Variants in DAGLA observed in about 807,000 individuals in gnomAD.
DAGLA encodes diacylglycerol lipase alpha.
Under a neutral mutation model 102.6 loss-of-function variants are expected in DAGLA, and 22 were observed. The ratio of observed to expected loss-of-function variants is 0.21; its 90% CI spans 0.15 to 0.31. The LOEUF is 0.31. DAGLA is among the 10% of genes least tolerant of loss of function. The probability of loss-of-function intolerance (pLI) is 1.00; values close to 1 mark genes in which losing one functional copy is unlikely to be tolerated. For missense variants in DAGLA, 927 were observed against 1,446.6 expected, an observed-to-expected ratio of 0.64 and a Z score of 5.83; for synonymous variants, 578 against 628.9, an observed-to-expected ratio of 0.92 and a Z score of 1.21.
chr11:61,743,791 G>A lies in DAGLA; in HGVS notation c.2431G>A (p.Ala811Thr), dbSNP rs750327327. The A allele has an allele frequency of 1.1e-5, 18 of 1,612,540 alleles. No homozygotes were observed. Among genetic ancestry groups the A allele is most frequent in the South Asian group, 9.9e-5 (9 of 91,084 alleles). ...RSIRGSPSLH[A>T]VLERDEGHLF... ...CATCCGGGGCTCCCCCAGCCTCCAC[G>A]CTGTGCTGGAGCGTGATGAAGGCCA... The change falls in exon 20 of 20, where the codon GCT becomes ACT. Residue 811 changes from alanine (A) to threonine (T), a missense_variant. By Grantham distance (58) the Ala-to-Thr change is moderately conservative. This residue lies in a region of DAGLA where 434 missense variants were observed against 503.3 expected (regional missense o/e 0.86). Transcript: ENST00000257215.
intron 1 of DAGLA, among the ~76,000 whole-genome samples, chr11:61,716,199 C>T (rs117317603): frequency 0.012 from 1,850 of 152,042 alleles, 15 homozygotes; most frequent in Non-Finnish European, 0.019. Flanking sequence ...ACCCTGGCCC[C>T]GGGGACTGTT....
chr11:61,744,051 G>A lies in DAGLA; in HGVS notation c.2691G>A (p.Leu897=), dbSNP rs1384408716. The A allele has an allele frequency of 1.2e-6, 2 of 1,612,716 alleles. No individual in the cohort carries two copies. Among genetic ancestry groups the A allele is most frequent in the South Asian group, 1.1e-5 (1 of 91,092 alleles). ...GGPASRGELA[L]HNGRLGDSPS... ...CGGCCTCCCGCGGGGAGCTGGCGCTGCACAATGGGCGCCTGGGGGACTCGC... is the reference window on the plus strand; with the variant it reads ...CGGCCTCCCGCGGGGAGCTGGCGCTACACAATGGGCGCCTGGGGGACTCGC... The change falls in exon 20 of 20, where the codon CTG becomes CTA. Residue 897 remains leucine (L), a synonymous_variant. Coordinates refer to ENST00000257215, the MANE Select transcript of DAGLA (RefSeq NM_006133.3).
chr11:61,724,059 G>A lies in DAGLA; in HGVS notation c.548+487G>A, dbSNP rs541381253. ...AATGGTAAGGCTGGGAACTAGCCCAGGCAGTCTGGCCTTAGAGTCCTCGCT... is the reference window on the plus strand; with the variant it reads ...AATGGTAAGGCTGGGAACTAGCCCAAGCAGTCTGGCCTTAGAGTCCTCGCT... On this transcript the variant is annotated intron_variant, in intron 5 of 19. Transcript: ENST00000257215. 5.3e-5 allele frequency among the ~76,000 whole-genome samples: 8 copies of A among 152,338 alleles called. No homozygotes were observed. The South Asian group carries it at 1.5e-3, about 28-fold the overall frequency.
At chr11:61,690,526 G>A (rs2065015359) in intron 1 of DAGLA, among the ~76,000 whole-genome samples, 1 of 152,016 alleles carries the variant, frequency 6.6e-6, no homozygotes, top group South Asian at 2.1e-4. Context: ...GAACAGTGAT[G>A]GCTTCCATTT....
chr11:61,682,480 C>T (rs983230427), intron 1 of DAGLA, among the ~76,000 whole-genome samples: 2 of 152,166 alleles, frequency 1.3e-5, no homozygotes, highest in Non-Finnish European at 2.9e-5. Context: ...GAGCTGGAAC[C>T]AGGCCCCCGG....
Position 61,737,278 on chromosome 11 carries a change from C to G in DAGLA, c.1468C>G (p.Pro490Ala). The G allele has an allele frequency of 6.2e-7, 1 of 1,612,946 alleles. No individual in the cohort carries two copies. The highest frequency in any genetic ancestry group is 8.5e-7 in the Non-Finnish European group (1 of 1,180,024). ...ILSFLLRPQY[P>A]TLKCFAYSPP... ...CTCCTTCCTTCTGCGCCCACAGTAT[C>G]CGACCCTCAAGTGCTTTGCCTACTC... The change falls in exon 14 of 20, where the codon CCG becomes GCG. Residue 490 changes from proline (P) to alanine (A), a missense_variant. Physicochemically the swap from Pro to Ala is conservative, Grantham distance 27 (BLOSUM62 -1). Around this residue, in one of 4 missense-constraint regions of DAGLA, gnomAD observed 218 missense variants for 459.6 expected, o/e 0.47. Transcript: ENST00000257215.
At chr11:61,729,060 G>A (rs1291755618) in intron 8 of DAGLA, 52 bp downstream of exon 8, 1 of 1,524,510 alleles carries the variant, frequency 6.6e-7, no homozygotes, top group South Asian at 1.1e-5. Context: ...CTCCCACTCT[G>A]CCACAATGAC....
intron 3 of DAGLA, 24 bp downstream of exon 3, chr11:61,720,914 G>A: frequency 6.3e-7 from 1 of 1,599,174 alleles, no homozygotes; most frequent in Non-Finnish European, 8.5e-7. Context: ...ACCCTGGGGT[G>A]CTGCCCCAGA....
chr11:61,720,539 T>A, intron 2 of DAGLA, 140 bp from the exon 3 acceptor site: 1 of 794,600 alleles, frequency 1.3e-6, no homozygotes, highest in East Asian at 2.7e-5. Context: ...CGATGCCAGG[T>A]GGACAATGGT....
intron 1 of DAGLA, among the ~76,000 whole-genome samples, chr11:61,689,055 T>C (rs2065005874): frequency 6.6e-6 from 1 of 152,272 alleles, no homozygotes; most frequent in Non-Finnish European, 1.5e-5. Context: ...AGGCTACTGT[T>C]AGGGGATGTT....
rs765273939 is a variant in DAGLA at position 61,706,955 on chromosome 11, C to G, written c.-44-13157C>G. 9.9e-4 allele frequency among the ~76,000 whole-genome samples: 151 copies of G among 152,266 alleles called. 1 individual carries two copies. Among genetic ancestry groups the G allele is most frequent in the Non-Finnish European group, 1.4e-3 (93 of 68,044 alleles). ...TCTCTCTCAGACGTTGCCGTCAGCT[C>G]CTTCACGGAAAGGTTCATCCCCTGG... On this transcript the variant is annotated intron_variant, in intron 1 of 19. Transcript: ENST00000257215.
rs771975975 is a variant in DAGLA at position 61,734,841 on chromosome 11, C to T, written c.975-8C>T. 6 of 1,609,700 alleles carry T rather than the reference C, an allele frequency of 3.7e-6. No individual in the cohort carries two copies. In the Admixed American group the frequency reaches 8.3e-5, roughly 22 times the overall value. On this transcript the variant is annotated splice_polypyrimidine_tract_variant and splice_region_variant and intron_variant, in intron 9 of 19. Coordinates refer to ENST00000257215, the MANE Select transcript of DAGLA (RefSeq NM_006133.3). This position sits in a 1 kb window ranked among gnomAD's most constrained non-coding sequence, Gnocchi z 4.2. ...CTGGCCCTGAACTCTCTTGTCACCC[C>T]ACCCTAGGTGTTGCCTGTGTCCTGC...
chr11:61,733,622 G>A (rs1591049824), intron 9 of DAGLA, among the ~76,000 whole-genome samples: 1 of 152,330 alleles, frequency 6.6e-6, no homozygotes, highest in African/African-American at 2.4e-5. Context: ...GGCCTGAGGT[G>A]CCGCTGCACC....
intron 1 of DAGLA, among the ~76,000 whole-genome samples, chr11:61,718,124 A>C (rs1256263503): frequency 6.6e-6 from 1 of 152,008 alleles, no homozygotes; most frequent in Non-Finnish European, 1.5e-5. Context: ...GGACCTGAGA[A>C]GGAGATATTC....
chr11:61,702,306 G>C (rs2065115524), intron 1 of DAGLA, among the ~76,000 whole-genome samples: 1 of 152,118 alleles, frequency 6.6e-6, no homozygotes, highest in Non-Finnish European at 1.5e-5. Flanking sequence ...TTTCAAAAGT[G>C]GGGATCATCA....
At chr11:61,685,078 C>G (rs1488136355) in intron 1 of DAGLA, among the ~76,000 whole-genome samples, 1 of 152,080 alleles carries the variant, frequency 6.6e-6, no homozygotes, top group Non-Finnish European at 1.5e-5. Context: ...TGGAAGTCAG[C>G]TGGGGACAGT....
intron 1 of DAGLA, among the ~76,000 whole-genome samples, chr11:61,705,055 C>T (rs1200625144): frequency 6.6e-6 from 1 of 152,130 alleles, no homozygotes; most frequent in African/African-American, 2.4e-5. Context: ...GGGGAGGACA[C>T]AGACTTCACC....
Position 61,731,588 on chromosome 11 carries a change from T to A in DAGLA, c.974+147T>A, listed in dbSNP as rs1214278054. The A allele has an allele frequency of 5.1e-6, 6 of 1,171,740 alleles. No individual in the cohort carries two copies. The East Asian group carries it at 1.4e-4, about 28-fold the overall frequency. 72.6% of individuals were successfully genotyped at this position (1,171,740 alleles called of 1,614,324 possible). Reference sequence around the variant, plus strand: ...GGGCCTCAACCTTTCTAGTTCTGTGTTATCCCTGAGCAGTGAAGTTGTAGG... The same window carrying A: ...GGGCCTCAACCTTTCTAGTTCTGTGATATCCCTGAGCAGTGAAGTTGTAGG... On this transcript the variant is annotated intron_variant, in intron 9 of 19. Coordinates refer to ENST00000257215, the MANE Select transcript of DAGLA (RefSeq NM_006133.3).
At position 61,744,427 on chromosome 11, in the gene DAGLA, A is replaced by AC. The variant is rs1433963200; in HGVS notation, c.3072dup (p.Thr1025HisfsTer12). The AC allele has an allele frequency of 1.2e-6, 2 of 1,604,052 alleles. No individual in the cohort carries two copies. The highest frequency in any genetic ancestry group is 8.5e-7 in the Non-Finnish European group (1 of 1,174,250). ...GGCGGCTGACAAGATCCGGACTTCT[A>AC]CCCCCACTGGCCACGGAGCCAGCCC... On this transcript the variant is annotated frameshift_variant, in exon 20 of 20. Coordinates refer to ENST00000257215, the MANE Select transcript of DAGLA (RefSeq NM_006133.3). LOFTEE classifies it high-confidence loss of function.
Sources: allele counts gnomAD v4.1 joint callset (sites outside exome capture counted in the v4.1 genomes callset), GRCh38; gene constraint gnomAD v4.1.1; regional missense constraint gnomAD v4.1.1; non-coding constraint Gnocchi (gnomAD v3.1); transcripts MANE v1.5; gene names NCBI Gene and HGNC (gene_info 2026-07-23, HGNC 2026-07-21).